The following ULK3 variants were observed in gnomAD, a reference collection of about 807,000 sequenced individuals.
ULK3 encodes the protein serine/threonine-protein kinase ULK3.
In ULK3, 54 loss-of-function variants were observed where a neutral mutation model predicts 69.4. The ratio of observed to expected loss-of-function variants is 0.78; its 90% CI spans 0.63 to 0.98. The LOEUF is 0.98. Among genes scored for constraint, ULK3 ranks in the 50% least tolerant of loss-of-function variants. The pLI is 0.00. For missense variants in ULK3, 558 were observed against 627.7 expected, an observed-to-expected ratio of 0.89 and a Z score of 1.19; for synonymous variants, 240 against 254.5, an observed-to-expected ratio of 0.94 and a Z score of 0.54.
intron 6 of ULK3, among the ~76,000 whole-genome samples, chr15:74,839,973 C>A (rs2064185418): frequency 6.6e-6 from 1 of 152,136 alleles, no homozygotes; most frequent in African/African-American, 2.4e-5. Context: ...CTGGACTATG[C>A]TCCTAGGAAG....
In ULK3 at chr15:74,842,233, T is replaced by C. The variant is rs751083924; in HGVS notation, c.244-38A>G. 1.2e-6 allele frequency: 2 copies of C among 1,613,918 alleles called. No individual in the cohort carries two copies. Among genetic ancestry groups the C allele is most frequent in the South Asian group, 1.1e-5 (1 of 91,080 alleles). On this transcript the variant is annotated intron_variant, in intron 2 of 15. Coordinates refer to ENST00000440863, the MANE Select transcript of ULK3 (RefSeq NM_001099436.4). The surrounding 1 kb of genome is among the most constrained non-coding windows in gnomAD (Gnocchi z 4.9). ...GCAGAGAGGCGGCCTGAAGAGAGTG[T>C]CCCTTCTCCAGCTCCCTTTGGCAGC... is the stretch of plus-strand genomic sequence containing the variant.
chr15:74,841,774 G>A (rs2064259709), intron 3 of ULK3, among the ~76,000 whole-genome samples: 3 of 151,928 alleles, frequency 2.0e-5, no homozygotes, highest in Admixed American at 6.5e-5. Flanking sequence ...TTGAGATCCT[G>A]CTCTTTTCCT....
chr15:74,842,003 T>A lies in ULK3; in HGVS notation c.364+72A>T, dbSNP rs977053097. ...GCAATGCGTGCCAAGGCTCTAAGCC[T>A]GGGGGAGGGGTGGGATGGTGGGGGG... On this transcript the variant is annotated intron_variant, in intron 3 of 15. Coordinates refer to ENST00000440863, the MANE Select transcript of ULK3 (RefSeq NM_001099436.4). This position sits in a 1 kb window ranked among gnomAD's most constrained non-coding sequence, Gnocchi z 4.9. 4.4e-6 allele frequency: 7 copies of A among 1,604,318 alleles called. No individual in the cohort carries two copies. Among genetic ancestry groups the A allele is most frequent in the Non-Finnish European group, 6.0e-6 (7 of 1,175,570 alleles).
Position 74,837,001 on chromosome 15 carries a change from C to T in ULK3, c.*227G>A. The T allele has an allele frequency of 2.0e-6, 1 of 501,070 alleles. No individual in the cohort carries two copies. Among genetic ancestry groups the T allele is most frequent in the Non-Finnish European group, 3.4e-6 (1 of 294,622 alleles). 31.0% of individuals were successfully genotyped at this position (501,070 alleles called of 1,614,324 possible). Reference sequence around the variant, plus strand: ...TCTCATGAAAGAAGTGCTGTTCTCCCAGAGTCCTGCCCTCCCCTCCAGTAT... The same window carrying T: ...TCTCATGAAAGAAGTGCTGTTCTCCTAGAGTCCTGCCCTCCCCTCCAGTAT... On this transcript the variant is annotated 3_prime_UTR_variant, in exon 16 of 16. Transcript: ENST00000440863.
chr15:74,841,615 C>T, intron 3 of ULK3, 106 bp from the exon 4 acceptor site: 1 of 899,000 alleles, frequency 1.1e-6, no homozygotes. Flanking sequence ...ACCCCAGTTC[C>T]TGCCTGGCTG....
rs188373666 is a variant in ULK3, at chr15:74,842,144, G to A, written c.295C>T (p.Leu99=). ...LIMEFCAGGD[L]SRFIHTRRIL... The stretch of plus-strand genomic sequence containing the variant: ...CTGCGGGTATGGATGAAGCGAGACA[G>A]GTCGCCCCCTGCGCAAAACTCCATG... The change falls in exon 3 of 16, where the codon CTG becomes TTG. Residue 99 remains leucine (L), a synonymous_variant. Coordinates refer to ENST00000440863, the MANE Select transcript of ULK3 (RefSeq NM_001099436.4). This position sits in a 1 kb window ranked among gnomAD's most constrained non-coding sequence, Gnocchi z 4.9. The A allele has an allele frequency of 6.7e-4, 1,078 of 1,613,990 alleles. 5 individuals are homozygous for A. Among genetic ancestry groups the A allele is most frequent in the South Asian group, 2.3e-3 (208 of 91,086 alleles).
intron 10 of ULK3, 27 bp downstream of exon 10, chr15:74,838,616 T>A (rs1452959009): frequency 1.3e-6 from 2 of 1,597,818 alleles, no homozygotes; most frequent in South Asian, 1.1e-5. Context: ...CTGGGGGCCC[T>A]GGGGTCAGCC....
At chr15:74,837,695 G>A (rs889280640) in intron 14 of ULK3, 56 bp downstream of exon 14, 112 of 1,547,578 alleles carry the variant, frequency 7.2e-5, no homozygotes, top group Middle Eastern at 1.7e-4. Context: ...ACAGCCACAA[G>A]CAGAGAGCAA....
Position 74,842,869 on chromosome 15 carries a change from G to C in ULK3, c.102+135C>G, listed in dbSNP as rs1418843806. ...AGCGTGGCAGTCGGCTCCAACCTCC[G>C]CCGAGGGTCAGCTGGGGCGAGGCCG... On this transcript the variant is annotated intron_variant, in intron 1 of 15. Transcript: ENST00000440863. The surrounding 1 kb of genome is among the most constrained non-coding windows in gnomAD (Gnocchi z 4.9). 4 of 1,324,098 alleles carry C rather than the reference G, an allele frequency of 3.0e-6. No homozygotes were observed. Among genetic ancestry groups the C allele is most frequent in the Admixed American group, 2.5e-5 (1 of 40,282 alleles). 82.0% of individuals were successfully genotyped at this position (1,324,098 alleles called of 1,614,324 possible). A position where few individuals can be genotyped will look rare whatever the true frequency, so the allele number is the denominator to read the frequency against.
At chr15:74,841,315 C>A in intron 4 of ULK3, 90 bp downstream of exon 4, 1 of 1,077,724 alleles carries the variant, frequency 9.3e-7, no homozygotes. Flanking sequence ...CTATAGAGGG[C>A]TCCATAAGAA....
chr15:74,840,645 C>T lies in ULK3; in HGVS notation c.470-4G>A, dbSNP rs531063819. The T allele has an allele frequency of 9.6e-4, 1,499 of 1,556,938 alleles. 27 individuals are homozygous for T. The South Asian group carries it at 0.017, about 18-fold the overall frequency. On this transcript the variant is annotated splice_region_variant and splice_polypyrimidine_tract_variant and intron_variant, in intron 4 of 15. Transcript: ENST00000440863. Reference sequence around the variant, plus strand: ...ATGTGTTGTGCGAAACCAAAGTCTGCAGGCAAGAGGAGAGGCAGCAGGGCT... The same window carrying T: ...ATGTGTTGTGCGAAACCAAAGTCTGTAGGCAAGAGGAGAGGCAGCAGGGCT...
intron 4 of ULK3, among the ~76,000 whole-genome samples, chr15:74,841,199 C>T (rs1246675435): frequency 6.6e-6 from 1 of 152,172 alleles, no homozygotes; most frequent in Non-Finnish European, 1.5e-5. Flanking sequence ...GCCCTAACTC[C>T]ACCCATTATG....
At chr15:74,839,474 G>T (rs1252355383) in intron 7 of ULK3, 84 bp downstream of exon 7, 1 of 1,540,004 alleles carries the variant, frequency 6.5e-7, no homozygotes, top group Non-Finnish European at 8.7e-7. Flanking sequence ...GTCTCTGTTG[G>T]GTGAGTCACC....
rs1480299553 is a variant in ULK3 at position 74,836,444 on chromosome 15, A to G, written c.*784T>C. 1 of 152,202 alleles carries G rather than the reference A, an allele frequency of 6.6e-6. No homozygotes were observed. Among genetic ancestry groups the G allele is most frequent in the African/African-American group, 2.4e-5 (1 of 41,430 alleles). 9.4% of individuals were successfully genotyped at this position (152,202 alleles called of 1,614,324 possible). On this transcript the variant is annotated 3_prime_UTR_variant, in exon 16 of 16. Transcript: ENST00000440863. The surrounding 1 kb of genome is among the most constrained non-coding windows in gnomAD (Gnocchi z 4.0). ...CCTAGAAGTGGGTGGCCTAGAGGGC[A>G]CTGGGTCAGACTGTCTCCAAGCCTC...
Position 74,840,222 on chromosome 15 carries a change from T to C in ULK3, c.696+12A>G, listed in dbSNP as rs1347874221. On this transcript the variant is annotated intron_variant, in intron 6 of 15. Coordinates refer to ENST00000440863, the MANE Select transcript of ULK3 (RefSeq NM_001099436.4). ...TGCCCCCCAGTGGTCGCTAAGGCCC[T>C]GCTAGACACACCTCGATGACCCGGT... 1 of 1,604,462 alleles carries C rather than the reference T, an allele frequency of 6.2e-7. No individual in the cohort carries two copies. Among genetic ancestry groups the C allele is most frequent in the Non-Finnish European group, 8.5e-7 (1 of 1,175,850 alleles).
In ULK3 at chr15:74,842,023, G is replaced by T; in HGVS notation, c.364+52C>A. On this transcript the variant is annotated intron_variant, in intron 3 of 15. Coordinates refer to ENST00000440863, the MANE Select transcript of ULK3 (RefSeq NM_001099436.4). This position sits in a 1 kb window ranked among gnomAD's most constrained non-coding sequence, Gnocchi z 4.9. Reference sequence around the variant, plus strand: ...AAGCCTGGGGGAGGGGTGGGATGGTGGGGGGCAGAGAACAAGGGACAGAGT... The same window carrying T: ...AAGCCTGGGGGAGGGGTGGGATGGTTGGGGGCAGAGAACAAGGGACAGAGT... The T allele has an allele frequency of 6.2e-7, 1 of 1,609,750 alleles. No homozygotes were observed. The highest frequency in any genetic ancestry group is 8.5e-7 in the Non-Finnish European group (1 of 1,178,158).
intron 13 of ULK3, 33 bp downstream of exon 13, chr15:74,838,119 A>G (rs1047995840): frequency 6.5e-7 from 1 of 1,550,214 alleles, no homozygotes; most frequent in Non-Finnish European, 8.7e-7. Flanking sequence ...GGGGAAGAGG[A>G]AGCCCCCCAA....
At chr15:74,841,310 G>C in intron 4 of ULK3, 95 bp downstream of exon 4, 2 of 1,024,424 alleles carry the variant, frequency 2.0e-6, no homozygotes, top group Non-Finnish European at 2.9e-6. Context: ...GGACTCTATA[G>C]AGGGCTCCAT....
intron 3 of ULK3, 113 bp downstream of exon 3, chr15:74,841,962 T>G: frequency 2.0e-6 from 3 of 1,520,542 alleles, no homozygotes; most frequent in Non-Finnish European, 2.7e-6. Flanking sequence ...AATTTCAGGC[T>G]GTGCAGGAGG....
Sources: gnomAD v4.1 joint callset for allele counts (sites outside exome capture counted in the v4.1 genomes callset) on GRCh38, gnomAD v4.1.1 for gene constraint, Gnocchi (gnomAD v3.1) non-coding constraint, MANE v1.5 for transcripts, NCBI Gene and HGNC (gene_info 2026-07-23, HGNC 2026-07-21) for gene names.